Variants in LGR5 observed in about 807,000 individuals in gnomAD.
LGR5 encodes leucine-rich repeat-containing G protein-coupled receptor 5.
A neutral mutation model predicts 76.7 loss-of-function variants in LGR5; 54 were observed. That is an observed-to-expected ratio of 0.70 (90% confidence interval 0.57 to 0.88). The LOEUF (loss-of-function observed/expected upper bound fraction) is 0.88, where lower values mean the gene tolerates loss of function less well. LGR5 is among the 40% of genes least tolerant of loss of function. LGR5 has a pLI of 0.00. For missense variants in LGR5, 1,078 were observed against 1,073.3 expected, an observed-to-expected ratio of 1.00 and a Z score of -0.06; for synonymous variants, 406 against 421.9, an observed-to-expected ratio of 0.96 and a Z score of 0.46.
chr12:71,582,974 A>G (rs1373970560), intron 17 of LGR5, among the ~76,000 whole-genome samples: 1 of 142,732 alleles, frequency 7.0e-6, no homozygotes, highest in African/African-American at 2.6e-5. Flanking sequence ...GAAAGGAAGG[A>G]AGGAAGGAGA....
chr12:71,538,517 T>G (rs1466948726), intron 4 of LGR5, among the ~76,000 whole-genome samples: 1 of 151,978 alleles, frequency 6.6e-6, no homozygotes, highest in African/African-American at 2.4e-5. Context: ...CATGCACTAG[T>G]GTTTTCTAAC....
At chr12:71,503,970 T>C (rs1874728266) in intron 1 of LGR5, among the ~76,000 whole-genome samples, 2 of 152,216 alleles carry the variant, frequency 1.3e-5, no homozygotes, top group Admixed American at 1.3e-4. Context: ...AGTGGCTTGT[T>C]GTTTCCTGTG....
At chr12:71,576,451 C>T (rs1176410361) in intron 13 of LGR5, among the ~76,000 whole-genome samples, 1 of 152,050 alleles carries the variant, frequency 6.6e-6, no homozygotes, top group Non-Finnish European at 1.5e-5. Flanking sequence ...CCATGAAAGA[C>T]ATGATTCCAA....
rs541111197 is a variant in LGR5 at position 71,554,805 on chromosome 12, A to G, written c.644+1517A>G. 6.6e-5 allele frequency among the ~76,000 whole-genome samples: 10 copies of G among 152,338 alleles called. No individual in the cohort carries two copies. The South Asian group carries it at 1.7e-3, about 25-fold the overall frequency. On this transcript the variant is annotated intron_variant, in intron 5 of 17. Transcript: ENST00000266674. ...TTTTCCCACCATATGTCTAGATTTC[A>G]TTATTTTAGTAAATCCAAAATGATT...
intron 13 of LGR5, among the ~76,000 whole-genome samples, chr12:71,575,101 T>G (rs1878791209): frequency 6.6e-6 from 1 of 152,150 alleles, no homozygotes; most frequent in Admixed American, 6.5e-5. Flanking sequence ...ACTCTGTAAT[T>G]TATTACTCAA....
At chr12:71,546,205 C>G (rs1261569163) in intron 4 of LGR5, among the ~76,000 whole-genome samples, 1 of 151,808 alleles carries the variant, frequency 6.6e-6, no homozygotes, top group Admixed American at 6.6e-5. Context: ...ATACCAGCTA[C>G]TCAGGAGGCT....
rs189837230 is a variant in LGR5 at position 71,476,379 on chromosome 12, A to G, written c.213-28235A>G. 1.4e-3 allele frequency among the ~76,000 whole-genome samples: 211 copies of G among 152,184 alleles called. 2 individuals are homozygous for G. The highest frequency in any genetic ancestry group is 6.5e-4 in the Admixed American group (10 of 15,292). ...GAGTAAATTGCTTAACTTCTCCCCA[A>G]TGTGTGTCTACTCTAGGGTTCAAGC... On this transcript the variant is annotated intron_variant, in intron 1 of 17. Transcript: ENST00000266674.
chr12:71,500,143 T>C (rs17814961), intron 1 of LGR5, among the ~76,000 whole-genome samples: 13,590 of 151,952 alleles, frequency 0.089, 652 homozygotes, highest in Non-Finnish European at 0.11. Flanking sequence ...TAATGCTCAG[T>C]TAACATCTGT....
chr12:71,559,535 A>T, intron 6 of LGR5, 51 bp from the exon 7 acceptor site: 1 of 964,606 alleles, frequency 1.0e-6, no homozygotes, highest in Non-Finnish European at 1.7e-6. Flanking sequence ...TAAATAGAGT[A>T]TATATGAAGT....
intron 4 of LGR5, among the ~76,000 whole-genome samples, chr12:71,552,059 G>A (rs1351272117): frequency 6.6e-6 from 1 of 150,616 alleles, no homozygotes; most frequent in Admixed American, 6.7e-5. Context: ...ACAGAGAGGG[G>A]AACATCATAC....
In LGR5 at chr12:71,559,641, A is replaced by T. The variant is rs768804310; in HGVS notation, c.772A>T (p.Asn258Tyr). ...CCCCACTGCAATTAGGACACTCTCC[A>T]ACCTTAAAGAACTGTAAGTATTTAG... Reference protein sequence around the residue: ...EFPTAIRTLSNLKELGFHSNN... With the variant: ...EFPTAIRTLSYLKELGFHSNN... The change falls in exon 7 of 18, where the codon AAC becomes TAC. Residue 258 changes from asparagine (N) to tyrosine (Y), a missense_variant. Asn to Tyr is a moderately radical substitution (Grantham distance 143, BLOSUM62 -2). Coordinates refer to ENST00000266674, the MANE Select transcript of LGR5 (RefSeq NM_003667.4). 6.5e-7 allele frequency: 1 copy of T among 1,532,670 alleles called. No homozygotes were observed. Among genetic ancestry groups the T allele is most frequent in the South Asian group, 1.1e-5 (1 of 88,676 alleles). The allele number at this position is 1,532,670 out of a possible 1,614,324, so 94.9% of individuals were successfully genotyped here. A position where few individuals can be genotyped will look rare whatever the true frequency, so the allele number is the denominator to read the frequency against.
intron 1 of LGR5, among the ~76,000 whole-genome samples, chr12:71,456,955 T>C (rs910576690): frequency 1.3e-5 from 2 of 152,144 alleles, no homozygotes; most frequent in Non-Finnish European, 2.9e-5. Flanking sequence ...CTAAAATTTG[T>C]TCAGATGGAA....
At chr12:71,574,826 G>A (rs532744189) in intron 13 of LGR5, among the ~76,000 whole-genome samples, 1 of 152,106 alleles carries the variant, frequency 6.6e-6, no homozygotes, top group South Asian at 2.1e-4. Context: ...TTCTATCTTT[G>A]GGCCCACTTC....
rs151082388 is a variant in LGR5, at chr12:71,576,034, A to G, written c.1209-1891A>G. Among the ~76,000 whole-genome samples, 1,113 of 152,292 alleles carry G rather than the reference A, an allele frequency of 7.3e-3. 4 individuals carry two copies. The highest frequency in any genetic ancestry group is 0.017 in the Middle Eastern group (5 of 294). Reference sequence around the variant, plus strand: ...GTTCTCACTTATAAGTGGGAGCTGAACAATAAGAACACATGGACACAGGGA... The same window carrying G: ...GTTCTCACTTATAAGTGGGAGCTGAGCAATAAGAACACATGGACACAGGGA... On this transcript the variant is annotated intron_variant, in intron 13 of 17. Transcript: ENST00000266674.
In LGR5 at chr12:71,584,620, C is replaced by A; in HGVS notation, c.2610C>A (p.Thr870=). Residue 870 remains threonine, a synonymous_variant, in exon 18 of 18, where the codon ACC becomes ACA. Transcript: ENST00000266674. ...GTGACTCAACTCAAGCCTTGGTAAC[C>A]TTTACCAGCTCCAGCATCACTTATG... is the stretch of plus-strand genomic sequence containing the variant. ...QSCDSTQALV[T]FTSSSITYDL... The A allele has an allele frequency of 1.2e-6, 2 of 1,614,196 alleles. No individual in the cohort carries two copies. Among genetic ancestry groups the A allele is most frequent in the Non-Finnish European group, 1.7e-6 (2 of 1,180,040 alleles).
intron 2 of LGR5, among the ~76,000 whole-genome samples, chr12:71,520,796 A>G (rs1197439028): frequency 2.6e-5 from 4 of 152,090 alleles, no homozygotes; most frequent in Non-Finnish European, 5.9e-5. Flanking sequence ...CAGCAAACCA[A>G]CACAGCACAT....
chr12:71,527,662 A>G (rs1035131541), intron 3 of LGR5, among the ~76,000 whole-genome samples: 1 of 152,214 alleles, frequency 6.6e-6, no homozygotes, highest in African/African-American at 2.4e-5. Flanking sequence ...TGCTAATTTA[A>G]TTAAAACATC....
chr12:71,448,701 T>G (rs912271830), intron 1 of LGR5: 3 of 152,258 alleles, frequency 2.0e-5, no homozygotes, highest in African/African-American at 7.2e-5. Context: ...AAAATTTCCA[T>G]AGAAGATGTT....
At chr12:71,572,263 T>TA (rs1878645967) in intron 12 of LGR5, among the ~76,000 whole-genome samples, 1 of 152,082 alleles carries the variant, frequency 6.6e-6, no homozygotes, top group East Asian at 1.9e-4. Context: ...TTTGCATTTT[T>TA]ACTAGAGACG....
Sources: allele counts gnomAD v4.1 joint callset (sites outside exome capture counted in the v4.1 genomes callset), GRCh38; gene constraint gnomAD v4.1.1; transcripts MANE v1.5; gene names NCBI Gene and HGNC (gene_info 2026-07-23, HGNC 2026-07-21).